The following CACNA1E variants were observed in gnomAD, a reference collection of about 807,000 sequenced individuals.
CACNA1E encodes the protein calcium voltage-gated channel subunit alpha1 E, also known as voltage-dependent R-type calcium channel subunit alpha-1E.
CACNA1E carries 40 observed loss-of-function variants against 259.2 expected under a neutral mutation model. The ratio of observed to expected loss-of-function variants is 0.15; its 90% CI spans 0.12 to 0.20. The LOEUF (loss-of-function observed/expected upper bound fraction) is 0.20, where lower values mean the gene tolerates loss of function less well. Among genes scored for constraint, CACNA1E ranks in the 10% least tolerant of loss-of-function variants. The pLI, the probability that CACNA1E is intolerant of heterozygous loss-of-function variation, is 1.00. For synonymous variants in CACNA1E, 1,104 were observed against 1,138.5 expected, an observed-to-expected ratio of 0.97 and a Z score of 0.61; for missense variants, 1,874 against 3,040.1, an observed-to-expected ratio of 0.62 and a Z score of 9.02.
intron 2 of CACNA1E, among the ~76,000 whole-genome samples, chr1:181,419,322 C>T (rs867878805): frequency 2.6e-5 from 4 of 152,136 alleles, no homozygotes; most frequent in African/African-American, 9.7e-5. Flanking sequence ...CTTGTTATGC[C>T]TTGAATGTAC....
rs780741005 is a variant in CACNA1E, at chr1:181,798,762, G to C, written c.6870G>C (p.Gly2290=). Reference sequence around the variant, plus strand: ...ACTATCGGCGGCGGAGGCGCGGGGGGCCTGGGCCAGGCATGATGTGTGGGG... The same window carrying C: ...ACTATCGGCGGCGGAGGCGCGGGGGCCCTGGGCCAGGCATGATGTGTGGGG... ...NGHYRRRRRG[G]PGPGMMCGAV... The change falls in exon 48 of 48, where the codon GGG becomes GGC. Residue 2290 remains glycine, a synonymous_variant. Transcript: ENST00000367573. The surrounding 1 kb of genome is among the most constrained non-coding windows in gnomAD (Gnocchi z 4.2). The C allele has an allele frequency of 4.4e-6, 7 of 1,597,698 alleles. No individual in the cohort carries two copies. The highest frequency in any genetic ancestry group is 3.4e-5 in the Admixed American group (2 of 59,386).
chr1:181,611,406 T>G (rs908560000), intron 6 of CACNA1E, among the ~76,000 whole-genome samples: 3 of 152,136 alleles, frequency 2.0e-5, no homozygotes, highest in African/African-American at 7.2e-5. Context: ...GTCAGTGTTT[T>G]TTTTTTTTTC....
intron 1 of CACNA1E, among the ~76,000 whole-genome samples, chr1:181,326,640 A>T (rs149873841): frequency 2.0e-5 from 3 of 152,240 alleles, no homozygotes; most frequent in African/African-American, 7.2e-5. Flanking sequence ...CACCGCTCGT[A>T]TGCTGGTGAC....
chr1:181,560,913 C>T (rs1036589083), intron 3 of CACNA1E, among the ~76,000 whole-genome samples: 8 of 152,148 alleles, frequency 5.3e-5, no homozygotes, highest in Admixed American at 2.0e-4. Flanking sequence ...GCCTTAGAAA[C>T]GAAGGTAGGC....
rs1320678266 is a variant in CACNA1E at position 181,719,760 on chromosome 1, G to A, written c.1648G>A (p.Gly550Ser). 1 of 1,592,386 alleles carries A rather than the reference G, an allele frequency of 6.3e-7. No homozygotes were observed. The stretch of plus-strand genomic sequence containing the variant: ...GGCATTGCCTCTCTAGGTCACAGTG[G>A]GCAGTATCTTTGAAGTGGTCTGGGC... ...FNCFDFGVTV[G>S]SIFEVVWAIF... The change falls in exon 13 of 48, where the codon GGC becomes AGC. Residue 550 changes from glycine to serine, a missense_variant. Coordinates refer to ENST00000367573, the MANE Select transcript of CACNA1E (RefSeq NM_001205293.3).
At position 181,798,577 on chromosome 1, in the gene CACNA1E, TC is replaced by T; in HGVS notation, c.6687del (p.Glu2230SerfsTer66). 6.2e-7 allele frequency: 1 copy of T among 1,613,418 alleles called. No homozygotes were observed. Among genetic ancestry groups the T allele is most frequent in the Non-Finnish European group, 8.5e-7 (1 of 1,179,878 alleles). ...ACATGCCTCCCCACAGCGCTACATC[TC>T]CGAGCCCTACTTGGCCCTGCACGAA... is the stretch of plus-strand genomic sequence containing the variant. ...SQHASPQRYISEPYLALHEDS... is the reference protein window; with the variant it reads ...SQHASPQRYIXEPYLALHEDS... On this transcript the variant is annotated frameshift_variant, in exon 48 of 48. Coordinates refer to ENST00000367573, the MANE Select transcript of CACNA1E (RefSeq NM_001205293.3). LOFTEE classifies it high-confidence loss of function. The surrounding 1 kb of genome is among the most constrained non-coding windows in gnomAD (Gnocchi z 4.2).
chr1:181,674,555 T>C (rs1399507175), intron 7 of CACNA1E, among the ~76,000 whole-genome samples: 1 of 152,188 alleles, frequency 6.6e-6, no homozygotes, highest in Non-Finnish European at 1.5e-5. Context: ...TTAGAGCCCC[T>C]GGACACAGTC....
intron 1 of CACNA1E, among the ~76,000 whole-genome samples, chr1:181,412,110 C>G (rs761280762): frequency 6.6e-6 from 1 of 152,238 alleles, no homozygotes; most frequent in African/African-American, 2.4e-5. Flanking sequence ...TGAATACGTA[C>G]GTCTTTCAGA....
chr1:181,770,368 C>A (rs199926), intron 35 of CACNA1E, among the ~76,000 whole-genome samples: 37,809 of 151,998 alleles, frequency 0.25, 4,778 homozygotes, highest in South Asian at 0.34. Context: ...TTGACCTTGG[C>A]TCCAGGCAGT....
chr1:181,598,257 T>A (rs1653395920), intron 6 of CACNA1E, among the ~76,000 whole-genome samples: 1 of 152,206 alleles, frequency 6.6e-6, no homozygotes, highest in African/African-American at 2.4e-5. Context: ...GAAGAGCTTT[T>A]GCTCCTGCCC....
chr1:181,659,799 G>A (rs1647441763), intron 7 of CACNA1E, among the ~76,000 whole-genome samples: 1 of 152,134 alleles, frequency 6.6e-6, no homozygotes, highest in Non-Finnish European at 1.5e-5. Flanking sequence ...ATGAGAAGAG[G>A]GAGGTTTAGT....
chr1:181,643,589 A>T (rs1037963462), intron 6 of CACNA1E, among the ~76,000 whole-genome samples: 3 of 151,982 alleles, frequency 2.0e-5, no homozygotes, highest in African/African-American at 7.2e-5. Flanking sequence ...CTTGCAGCTG[A>T]CCGGCCAGAG....
intron 1 of CACNA1E, among the ~76,000 whole-genome samples, chr1:181,376,729 T>A (rs528912723): frequency 2.4e-4 from 37 of 152,302 alleles, no homozygotes; most frequent in African/African-American, 7.7e-4. Flanking sequence ...TAGTTTTCTA[T>A]TTCCAGGGGA....
intron 14 of CACNA1E, 115 bp downstream of exon 14, chr1:181,720,452 G>GTTACTGCCTGTCT (rs1286682278): frequency 8.6e-7 from 1 of 1,162,150 alleles, no homozygotes; most frequent in Non-Finnish European, 1.2e-6. Context: ...CTTTGCCCAT[G>GTTACTGCCTGTCT]GCCTGAATTA....
chr1:181,483,484 CT>C (rs958969809), upstream of CACNA1E: 18 of 328,656 alleles, frequency 5.5e-5, no homozygotes, highest in East Asian at 2.0e-4. Context: ...CTACCACCCG[CT>C]TTTTTTTTCT....
intron 6 of CACNA1E, among the ~76,000 whole-genome samples, chr1:181,596,549 A>G (rs1359322242): frequency 1.0e-5 from 1 of 97,524 alleles, no homozygotes; most frequent in East Asian, 4.0e-4. Flanking sequence ...TCTTCCACCC[A>G]CCATGTACGT....
chr1:181,784,629 A>G, intron 40 of CACNA1E, 32 bp from the exon 41 acceptor site: 1 of 1,419,454 alleles, frequency 7.0e-7, no homozygotes, highest in Non-Finnish European at 9.7e-7. Context: ...TTCTGGGTCT[A>G]TTCTATTTAT....
intron 2 of CACNA1E, among the ~76,000 whole-genome samples, chr1:181,463,514 G>A (rs1052106830): frequency 6.6e-6 from 1 of 152,170 alleles, no homozygotes; most frequent in Admixed American, 6.5e-5. Flanking sequence ...CAATCTGATG[G>A]GTGTGAAATG....
intron 1 of CACNA1E, among the ~76,000 whole-genome samples, chr1:181,339,980 G>A (rs1293208182): frequency 6.6e-6 from 1 of 151,574 alleles, no homozygotes; most frequent in Non-Finnish European, 1.5e-5. Context: ...ACAGTTGAAT[G>A]TATCAGTCTC....
Sources: allele counts gnomAD v4.1 joint callset (sites outside exome capture counted in the v4.1 genomes callset), GRCh38; gene constraint gnomAD v4.1.1; non-coding constraint Gnocchi (gnomAD v3.1); transcripts MANE v1.5; gene names NCBI Gene and HGNC (gene_info 2026-07-23, HGNC 2026-07-21).